Variants in MMUT observed in about 807,000 individuals in gnomAD.
MMUT encodes the protein methylmalonyl-CoA mutase, also known as methylmalonyl-CoA mutase, mitochondrial.
MMUT carries 79 observed loss-of-function variants against 79.9 expected under a neutral mutation model. The ratio of observed to expected loss-of-function variants is 0.99; its 90% CI spans 0.82 to 1.19. The LOEUF (loss-of-function observed/expected upper bound fraction) is 1.19, where lower values mean the gene tolerates loss of function less well. MMUT is among the 50% of genes most tolerant of loss of function. The pLI is 0.00. For missense variants in MMUT, 860 were observed against 917.2 expected, an observed-to-expected ratio of 0.94 and a Z score of 0.81; for synonymous variants, 273 against 295.7, an observed-to-expected ratio of 0.92 and a Z score of 0.79.
In MMUT at chr6:49,459,495, TA is replaced by T. The variant is rs1767785897; in HGVS notation, c.-30del. Reference sequence around the variant, plus strand: ...GGAGCATGGAAACACCCAATAGAAATAAGAACTGACCTAGAAAAAGAAACAT... The same window carrying T: ...GGAGCATGGAAACACCCAATAGAAATAGAACTGACCTAGAAAAAGAAACAT... On this transcript the variant is annotated 5_prime_UTR_variant, in exon 2 of 13. Transcript: ENST00000274813. 13 of 1,603,410 alleles carry T rather than the reference TA, an allele frequency of 8.1e-6. No homozygotes were observed. The highest frequency in any genetic ancestry group is 1.0e-5 in the Non-Finnish European group (12 of 1,179,518).
chr6:49,439,242 G>C (rs1410400378), intron 11 of MMUT, among the ~76,000 whole-genome samples: 1 of 152,178 alleles, frequency 6.6e-6, no homozygotes, highest in Non-Finnish European at 1.5e-5. Flanking sequence ...ATGGTGACTT[G>C]ATGACCCATA....
Position 49,436,632 on chromosome 6 carries a change from C to T in MMUT, c.1957-1009G>A, listed in dbSNP as rs114954671. Among the ~76,000 whole-genome samples, 825 of 150,610 alleles carry T rather than the reference C, an allele frequency of 5.5e-3. 11 individuals carry two copies. The highest frequency in any genetic ancestry group is 0.019 in the African/African-American group (768 of 41,034). On this transcript the variant is annotated intron_variant, in intron 11 of 12. Coordinates refer to ENST00000274813, the MANE Select transcript of MMUT (RefSeq NM_000255.4). ...AAAAAAAAAAAAAAATACACATTCA[C>T]ATGTATGTTCATTGTAGCACTATTC... is the stretch of plus-strand genomic sequence containing the variant.
rs1031745927 is a variant in MMUT, at chr6:49,449,004, T to C, written c.1333-77A>G. On this transcript the variant is annotated intron_variant, in intron 6 of 12. Transcript: ENST00000274813. ...AAACTATATAAATTTGTTATGAGTG[T>C]TATATAATTACTAATATTAATAAAA... 3 of 789,954 alleles carry C rather than the reference T, an allele frequency of 3.8e-6. No individual in the cohort carries two copies. In the African/African-American group the frequency reaches 5.3e-5, roughly 14 times the overall value. The allele number at this position is 789,954 out of a possible 1,614,324, so 48.9% of individuals were successfully genotyped here.
intron 1 of MMUT, among the ~76,000 whole-genome samples, chr6:49,461,919 T>A (rs1280741904): frequency 6.6e-6 from 1 of 152,134 alleles, no homozygotes; most frequent in Non-Finnish European, 1.5e-5. Context: ...AAGCAACAAC[T>A]AAACTGTTTC....
At chr6:49,436,934 G>C (rs576406710) in intron 11 of MMUT, among the ~76,000 whole-genome samples, 7 of 152,058 alleles carry the variant, frequency 4.6e-5, no homozygotes, top group Non-Finnish European at 1.0e-4. Flanking sequence ...ACACACACTG[G>C]GGCCTATCAG....
rs1228231282 is a variant in MMUT, at chr6:49,452,990, T to C, written c.1083+595A>G. On this transcript the variant is annotated intron_variant, in intron 5 of 12. Coordinates refer to ENST00000274813, the MANE Select transcript of MMUT (RefSeq NM_000255.4). ...ACAATTATATGAGAGTACTAACTTA[T>C]GACTTTTGCTTCCTTCTCATCATCA... Among the ~76,000 whole-genome samples the C allele has an allele frequency of 2.6e-5, 4 of 151,790 alleles. No homozygotes were observed. The East Asian group carries it at 5.8e-4, about 22-fold the overall frequency.
chr6:49,446,361 T>C (rs1159789646), intron 8 of MMUT, among the ~76,000 whole-genome samples: 2 of 151,990 alleles, frequency 1.3e-5, no homozygotes, highest in Non-Finnish European at 2.9e-5. Flanking sequence ...TAAAAATATC[T>C]GATTCTAGCT....
chr6:49,460,243 A>T (rs1241622322), intron 1 of MMUT, among the ~76,000 whole-genome samples: 1 of 152,192 alleles, frequency 6.6e-6, no homozygotes, highest in Non-Finnish European at 1.5e-5. Flanking sequence ...AGCAATTTTA[A>T]TCTTTACAAT....
intron 12 of MMUT, among the ~76,000 whole-genome samples, chr6:49,433,434 A>AT (rs989428387): frequency 6.6e-6 from 1 of 152,160 alleles, no homozygotes; most frequent in African/African-American, 2.4e-5. Context: ...GTATACAGAT[A>AT]TTTTTTGTAC....
At chr6:49,443,519 A>T (rs1257814183) in intron 9 of MMUT, among the ~76,000 whole-genome samples, 1 of 151,914 alleles carries the variant, frequency 6.6e-6, no homozygotes, top group East Asian at 1.9e-4. Context: ...TGATCCAGGG[A>T]TCTCATATCA....
chr6:49,435,455 C>T lies in MMUT; in HGVS notation c.2124+1G>A, dbSNP rs543029288. 1.2e-6 allele frequency: 2 copies of T among 1,612,770 alleles called. No homozygotes were observed. Among genetic ancestry groups the T allele is most frequent in the African/African-American group, 2.7e-5 (2 of 75,006 alleles). ...ACTAGAAAAATAGAGATAAAAAATA[C>T]CTGAGGTGGTATCACCCCTCCACAC... On this transcript the variant is annotated splice_donor_variant, in intron 12 of 12. Coordinates refer to ENST00000274813, the MANE Select transcript of MMUT (RefSeq NM_000255.4). LOFTEE classifies it high-confidence loss of function.
chr6:49,452,007 T>C (rs1401801585), intron 5 of MMUT, among the ~76,000 whole-genome samples: 1 of 152,210 alleles, frequency 6.6e-6, no homozygotes, highest in Non-Finnish European at 1.5e-5. Context: ...ATTCTTTTTC[T>C]ACTTAAGATT....
intron 1 of MMUT, among the ~76,000 whole-genome samples, chr6:49,460,733 G>A (rs571023412): frequency 4.6e-5 from 7 of 152,152 alleles, no homozygotes; most frequent in African/African-American, 1.7e-4. Flanking sequence ...TACTGGATAA[G>A]GCAACAAGTA....
chr6:49,446,775 C>T (rs1203980864), intron 8 of MMUT, among the ~76,000 whole-genome samples: 1 of 151,546 alleles, frequency 6.6e-6, no homozygotes, highest in Non-Finnish European at 1.5e-5. Context: ...AAATGAAATC[C>T]TTCAGGCTAT....
At chr6:49,452,499 A>AT (rs778572155) in intron 5 of MMUT, among the ~76,000 whole-genome samples, 2 of 151,712 alleles carry the variant, frequency 1.3e-5, no homozygotes, top group Non-Finnish European at 2.9e-5. Context: ...CACCTGGCTA[A>AT]TTTTTTTGTA....
rs111667453 is a variant in MMUT at position 49,448,945 on chromosome 6, A to C, written c.1333-18T>G. On this transcript the variant is annotated intron_variant, in intron 6 of 12. Transcript: ENST00000274813. ...TTAATGAGCTAAAAAGAAAAACATT[A>C]ACAAAACTAAAAGAGAATATTAAAA... 1.2e-3 allele frequency: 1,733 copies of C among 1,494,506 alleles called. 12 individuals carry two copies. In the African/African-American group the frequency reaches 0.019, roughly 16 times the overall value. The allele number at this position is 1,494,506 out of a possible 1,614,324, so 92.6% of individuals were successfully genotyped here.
rs754123075 is a variant in MMUT at position 49,447,750 on chromosome 6, A to C, written c.1480T>G (p.Leu494Val). The change falls in exon 8 of 13, where the codon TTG becomes GTG. Residue 494 changes from leucine to valine, a missense_variant. Leu to Val is a conservative substitution (Grantham distance 32). Coordinates refer to ENST00000274813, the MANE Select transcript of MMUT (RefSeq NM_000255.4). ...EVIVGVNKYQ[L>V]EKEDAVEVLA... ...ACTTCTACAGCGTCTTCTTTTTCCA[A>C]CTGGTACTTATTTACTCCAACAATT... 1.2e-6 allele frequency: 2 copies of C among 1,611,600 alleles called. No homozygotes were observed. The highest frequency in any genetic ancestry group is 2.7e-5 in the African/African-American group (2 of 74,844).
rs746036716 is a variant in MMUT at position 49,459,263 on chromosome 6, A to G, written c.204T>C (p.Ser68=). ...CTCTCTTGGAATACAAGGGTTTTATAGAGATCCCTTCCGGGGTGTGCCATA... is the reference window on the plus strand; with the variant it reads ...CTCTCTTGGAATACAAGGGTTTTATGGAGATCCCTTCCGGGGTGTGCCATA... The part of the protein sequence containing the change: ...DLIWHTPEGI[S]IKPLYSKRDT... The change falls in exon 2 of 13, where the codon TCT becomes TCC. Residue 68 remains serine, a synonymous_variant. Transcript: ENST00000274813. 6.2e-7 allele frequency: 1 copy of G among 1,613,954 alleles called. No individual in the cohort carries two copies. Among genetic ancestry groups the G allele is most frequent in the South Asian group, 1.1e-5 (1 of 91,078 alleles).
intron 1 of MMUT, 91 bp downstream of exon 1, chr6:49,463,012 G>C (rs1767896240): frequency 6.5e-6 from 1 of 152,778 alleles, no homozygotes; most frequent in Non-Finnish European, 1.5e-5. Context: ...GACAGAGCGG[G>C]AGAGAAAGGA....
Sources: gnomAD v4.1 joint callset for allele counts (sites outside exome capture counted in the v4.1 genomes callset) on GRCh38, gnomAD v4.1.1 for gene constraint, MANE v1.5 for transcripts, NCBI Gene and HGNC (gene_info 2026-07-23, HGNC 2026-07-21) for gene names.